The following OTOGL variants were observed in gnomAD, a reference collection of about 807,000 sequenced individuals.
The protein encoded by OTOGL is otogelin like.
A neutral mutation model predicts 318.5 loss-of-function variants in OTOGL; 285 were observed. That is an observed-to-expected ratio of 0.89 (90% CI 0.81 to 0.99). OTOGL has a LOEUF of 0.99. OTOGL is among the 50% of genes least tolerant of loss of function. The probability of loss-of-function intolerance (pLI) is 0.00; values close to 1 mark genes in which losing one functional copy is unlikely to be tolerated. For synonymous variants in OTOGL, 987 were observed against 936.5 expected (o/e 1.05, Z -0.99); for missense variants, 2,899 against 2,845.6 (o/e 1.02, Z -0.43).
chr12:80,305,594 T>C lies in OTOGL; in HGVS notation c.3232T>C (p.Cys1078Arg), dbSNP rs1417231746. The C allele has an allele frequency of 4.5e-6, 7 of 1,569,042 alleles. No individual in the cohort carries two copies. Among genetic ancestry groups the C allele is most frequent in the Non-Finnish European group, 6.0e-6 (7 of 1,169,002 alleles). ...ACTTTAGAACAAGCTATCAGGATTGTGTGGAAACTTTGACAAATGCACTTC... is the reference window on the plus strand; with the variant it reads ...ACTTTAGAACAAGCTATCAGGATTGCGTGGAAACTTTGACAAATGCACTTC... Reference protein sequence around the residue: ...PQWKNKLSGLCGNFDKCTSND... With the variant: ...PQWKNKLSGLRGNFDKCTSND... Residue 1078 changes from cysteine (C) to arginine (R), a missense_variant, in exon 29 of 59, where the codon TGT becomes CGT. Around this residue, in one of 3 missense-constraint regions of OTOGL, gnomAD observed 2,607 missense variants for 2,524.9 expected, o/e 1.03. Transcript: ENST00000547103.
intron 7 of OTOGL, among the ~76,000 whole-genome samples, chr12:80,228,512 G>C (rs189260949): frequency 2.0e-5 from 3 of 151,820 alleles, no homozygotes; most frequent in African/African-American, 7.3e-5. Context: ...CAAAAAACCC[G>C]TATATTATTG....
In OTOGL at chr12:80,339,258, C is replaced by T; in HGVS notation, c.5044C>T (p.Leu1682Phe). 9 of 1,524,054 alleles carry T rather than the reference C, an allele frequency of 5.9e-6. No individual in the cohort carries two copies. The highest frequency in any genetic ancestry group is 8.1e-6 in the Non-Finnish European group (9 of 1,112,276). 94.4% of individuals were successfully genotyped at this position (1,524,054 alleles called of 1,614,324 possible). Reference sequence around the variant, plus strand: ...TAACTTGTCATCCTACACAGAAGGACTCTGTGGTGAGCGCTGCCCTTCAAA... The same window carrying T: ...TAACTTGTCATCCTACACAGAAGGATTCTGTGGTGAGCGCTGCCCTTCAAA... Reference protein sequence around the residue: ...RFNLSSYTEGLCGICNEDPDD... With the variant: ...RFNLSSYTEGFCGICNEDPDD... The change falls in exon 43 of 59, where the codon CTC becomes TTC. Residue 1682 changes from leucine (L) to phenylalanine (F), a missense_variant. Physicochemically the swap from Leu to Phe is conservative, Grantham distance 22 (BLOSUM62 0). This residue lies in a region of OTOGL where 2,607 missense variants were observed against 2,524.9 expected (regional missense o/e 1.03). Transcript: ENST00000547103.
chr12:80,271,699 C>A lies in OTOGL; in HGVS notation c.2570C>A (p.Pro857His), dbSNP rs374771128. The A allele has an allele frequency of 1.2e-6, 2 of 1,613,096 alleles. No individual in the cohort carries two copies. The highest frequency in any genetic ancestry group is 1.7e-5 in the Admixed American group (1 of 59,844). ...TATTTCGACTGCAGGTTTCCTGACC[C>A]TGAATTACCAGCTGGTGGTGTTAAT... The part of the protein sequence containing the change: ...KEYFDCRFPD[P>H]ELPAGGVNCE... The change falls in exon 24 of 59, where the codon CCT becomes CAT. Residue 857 changes from proline (P) to histidine (H), a missense_variant. Coordinates refer to ENST00000547103, the MANE Select transcript of OTOGL (RefSeq NM_001378609.3).
chr12:80,336,757 C>A (rs1888432593), intron 40 of OTOGL, 40 bp from the exon 41 acceptor site: 1 of 1,477,080 alleles, frequency 6.8e-7, no homozygotes, highest in South Asian at 1.3e-5. Context: ...TTTAAAAAGT[C>A]AAATAATGCA....
chr12:80,176,437 C>G (rs1036383712), intron 1 of OTOGL, among the ~76,000 whole-genome samples: 8 of 152,166 alleles, frequency 5.3e-5, no homozygotes, highest in Non-Finnish European at 1.0e-4. Context: ...TAGGCAACCA[C>G]TGATCTACTT....
chr12:80,356,784 C>T (rs367691688), intron 48 of OTOGL, 23 bp from the exon 49 acceptor site: 14 of 1,455,508 alleles, frequency 9.6e-6, no homozygotes, highest in Non-Finnish European at 1.2e-5. Flanking sequence ...TACAAATTTT[C>T]TAATGTAATT....
intron 57 of OTOGL, among the ~76,000 whole-genome samples, chr12:80,374,283 C>A (rs954021910): frequency 4.6e-5 from 7 of 152,032 alleles, no homozygotes; most frequent in Non-Finnish European, 1.0e-4. Context: ...TACATGAACA[C>A]CAGTAATATT....
At chr12:80,131,939 T>C (rs1871265606) in intron 1 of OTOGL, 1 of 152,242 alleles carries the variant, frequency 6.6e-6, no homozygotes. Flanking sequence ...GTAGCAAGAA[T>C]AGAGTTTGTA....
chr12:80,329,101 A>C lies in OTOGL; in HGVS notation c.4330A>C (p.Thr1444Pro). The change falls in exon 37 of 59, where the codon ACT (threonine) becomes CCT (proline). Residue 1444 changes from threonine (T) to proline (P), a missense_variant. By Grantham distance (38) the Thr-to-Pro change is conservative. This residue lies in a region of OTOGL where 2,607 missense variants were observed against 2,524.9 expected (regional missense o/e 1.03). Transcript: ENST00000547103. Reference sequence around the variant, plus strand: ...AACATTAATGCCACCAGCTAAGCCAACTGTGCCCATGTTTACAGGTATTGT... The same window carrying C: ...AACATTAATGCCACCAGCTAAGCCACCTGTGCCCATGTTTACAGGTATTGT... ...EPTLMPPAKP[T>P]VPMFTVWEMI... is the part of the protein sequence containing the mutation. 6.5e-7 allele frequency: 1 copy of C among 1,545,812 alleles called. No homozygotes were observed. Among genetic ancestry groups the C allele is most frequent in the Non-Finnish European group, 8.6e-7 (1 of 1,156,130 alleles).
At chr12:80,149,013 C>T (rs1872592211) in intron 1 of OTOGL, among the ~76,000 whole-genome samples, 1 of 152,156 alleles carries the variant, frequency 6.6e-6, no homozygotes, top group Non-Finnish European at 1.5e-5. Flanking sequence ...CCTCCTGTAG[C>T]TCAGAGTAAT....
intron 11 of OTOGL, among the ~76,000 whole-genome samples, chr12:80,251,446 G>C (rs1881535736): frequency 6.6e-6 from 1 of 152,160 alleles, no homozygotes. Flanking sequence ...CAAAAGAAAA[G>C]TGATAAAATT....
rs568313227 is a variant in OTOGL, at chr12:80,332,251, C to T, written c.4349-754C>T. 3.4e-4 allele frequency among the ~76,000 whole-genome samples: 52 copies of T among 152,200 alleles called. No homozygotes were observed. In the South Asian group the frequency reaches 9.6e-3, roughly 28 times the overall value. The stretch of plus-strand genomic sequence containing the variant: ...ACATTGAGCTCCAAAACAGCTAATA[C>T]ACTGGTGTTGTTTTAAGCCACTAAA... On this transcript the variant is annotated intron_variant, in intron 37 of 58. Coordinates refer to ENST00000547103, the MANE Select transcript of OTOGL (RefSeq NM_001378609.3).
intron 7 of OTOGL, among the ~76,000 whole-genome samples, chr12:80,223,084 C>G (rs1475579521): frequency 6.6e-6 from 1 of 151,914 alleles, no homozygotes; most frequent in Non-Finnish European, 1.5e-5. Context: ...AATTCTTATC[C>G]CTTTGCATTC....
intron 19 of OTOGL, among the ~76,000 whole-genome samples, chr12:80,264,275 TGA>T (rs1882776895): frequency 6.6e-6 from 1 of 152,196 alleles, no homozygotes; most frequent in African/African-American, 2.4e-5. Flanking sequence ...GAATTATATC[TGA>T]TCAGTCATTC....
chr12:80,314,604 G>T (rs1286561359), intron 32 of OTOGL, among the ~76,000 whole-genome samples: 2 of 152,106 alleles, frequency 1.3e-5, no homozygotes, highest in Admixed American at 6.5e-5. Context: ...GAATGGGTGG[G>T]TGAAGTTAGT....
intron 1 of OTOGL, among the ~76,000 whole-genome samples, chr12:80,194,793 G>A (rs183902084): frequency 5.3e-5 from 8 of 151,896 alleles, no homozygotes; most frequent in South Asian, 4.2e-4. Flanking sequence ...ATAAACTTTC[G>A]CTTGTTTTCC....
At chr12:80,337,057 C>T (rs1888459129) in intron 42 of OTOGL, 53 bp downstream of exon 42, 6 of 1,307,248 alleles carry the variant, frequency 4.6e-6, no homozygotes, top group East Asian at 2.5e-5. Context: ...ATAAATTATA[C>T]AAACAGTTAT....
intron 25 of OTOGL, 31 bp from the exon 26 acceptor site, chr12:80,278,997 T>TTTAA: frequency 6.4e-7 from 1 of 1,564,448 alleles, no homozygotes; most frequent in Non-Finnish European, 8.7e-7. Context: ...GTCGTTTCTT[T>TTTAA]AGAAAGGTAA....
At chr12:80,243,045 A>G (rs574777660) in intron 11 of OTOGL, among the ~76,000 whole-genome samples, 1 of 152,156 alleles carries the variant, frequency 6.6e-6, no homozygotes, top group South Asian at 2.1e-4. Context: ...TTGCTCTTTA[A>G]TTGTTTATTA....
Sources: gnomAD v4.1 joint callset for allele counts (sites outside exome capture counted in the v4.1 genomes callset) on GRCh38, gnomAD v4.1.1 for gene constraint, gnomAD v4.1.1 regional missense constraint, MANE v1.5 for transcripts, NCBI Gene and HGNC (gene_info 2026-07-23, HGNC 2026-07-21) for gene names.